The following LIN9 variants were observed in gnomAD, a reference collection of about 807,000 sequenced individuals.
The protein encoded by LIN9 is protein lin-9 homolog.
Under a neutral mutation model 78.0 loss-of-function variants are expected in LIN9, and 18 were observed. The ratio of observed to expected loss-of-function variants is 0.23; its 90% CI spans 0.16 to 0.34. The LOEUF (loss-of-function observed/expected upper bound fraction) is 0.34, where lower values mean the gene tolerates loss of function less well. Ranked by LOEUF, LIN9 falls within the 10% of genes least tolerant of loss-of-function variation. The probability of loss-of-function intolerance (pLI) is 1.00; values close to 1 mark genes in which losing one functional copy is unlikely to be tolerated. For synonymous variants in LIN9, 192 were observed against 215.2 expected, an observed-to-expected ratio of 0.89 and a Z score of 0.94; for missense variants, 451 against 644.1, an observed-to-expected ratio of 0.70 and a Z score of 3.25.
chr1:226,297,124 G>A (rs1332024254), intron 3 of LIN9, among the ~76,000 whole-genome samples: 1 of 152,138 alleles, frequency 6.6e-6, no homozygotes. Flanking sequence ...TGAAGATGAT[G>A]GAATTGACAC....
intron 6 of LIN9, among the ~76,000 whole-genome samples, chr1:226,284,223 C>T (rs1661259229): frequency 6.6e-6 from 1 of 152,242 alleles, no homozygotes; most frequent in Admixed American, 6.5e-5. Context: ...CTCCCAGAGA[C>T]ATCTGTGACT....
At chr1:226,305,535 C>G (rs1414235545) in intron 1 of LIN9, among the ~76,000 whole-genome samples, 3 of 145,730 alleles carry the variant, frequency 2.1e-5, no homozygotes, top group Non-Finnish European at 3.0e-5. Flanking sequence ...ATAATTTAGT[C>G]AGGGAGGATG....
At chr1:226,308,566 G>GT (rs1663070549) in intron 1 of LIN9, among the ~76,000 whole-genome samples, 1 of 152,204 alleles carries the variant, frequency 6.6e-6, no homozygotes, top group South Asian at 2.1e-4. Flanking sequence ...GGACACACCG[G>GT]TGGGGGGGTG....
intron 11 of LIN9, among the ~76,000 whole-genome samples, chr1:226,243,385 T>A (rs955579746): frequency 9.9e-5 from 15 of 152,176 alleles, no homozygotes; most frequent in African/African-American, 3.1e-4. Context: ...TTACATAGTA[T>A]AAAATTTATT....
At chr1:226,305,306 C>CAAA (rs1204120899) in intron 1 of LIN9, among the ~76,000 whole-genome samples, 1 of 19,078 alleles carries the variant, frequency 5.2e-5, no homozygotes, top group Non-Finnish European at 1.1e-4. Context: ...CTCGTCTCTA[C>CAAA]AAAAAAAAGA....
intron 2 of LIN9, among the ~76,000 whole-genome samples, chr1:226,298,252 AGGCTGGAG>A (rs1336206470): frequency 6.6e-6 from 1 of 152,232 alleles, no homozygotes; most frequent in African/African-American, 2.4e-5. Context: ...TCCATCGCCC[AGGCTGGAG>A]TGCAGTGGCA....
intron 7 of LIN9, among the ~76,000 whole-genome samples, chr1:226,275,694 A>AAAG (rs1491289171): frequency 8.6e-6 from 1 of 116,326 alleles, no homozygotes; most frequent in Non-Finnish European, 2.0e-5. Flanking sequence ...TCCGTCTCAG[A>AAAG]AAAAAAAAAA....
intron 4 of LIN9, among the ~76,000 whole-genome samples, chr1:226,293,020 A>G (rs1220442310): frequency 2.6e-5 from 4 of 152,220 alleles, no homozygotes; most frequent in African/African-American, 9.6e-5. Context: ...ACACATAAGT[A>G]ATCAGTAAAA....
intron 10 of LIN9, among the ~76,000 whole-genome samples, chr1:226,262,018 G>C (rs1659623270): frequency 6.6e-6 from 1 of 152,078 alleles, no homozygotes; most frequent in Admixed American, 6.6e-5. Flanking sequence ...GCAACAAATG[G>C]GCAACAGTGG....
intron 11 of LIN9, 144 bp from the exon 12 acceptor site, chr1:226,239,240 G>T: frequency 1.3e-6 from 1 of 760,784 alleles, no homozygotes; most frequent in Non-Finnish European, 2.1e-6. Context: ...AGTCTTGTCT[G>T]TGATAATGGC....
upstream of LIN9, chr1:226,309,542 G>A: frequency 8.5e-7 from 1 of 1,182,534 alleles, no homozygotes; most frequent in Non-Finnish European, 1.1e-6. Flanking sequence ...TGGAGAACGG[G>A]AGGGAGGCCC....
chr1:226,273,608 TTTCTTCTTC>T (rs943982437), intron 7 of LIN9, among the ~76,000 whole-genome samples: 1 of 152,110 alleles, frequency 6.6e-6, no homozygotes, highest in Non-Finnish European at 1.5e-5. Context: ...TTGCATTTGT[TTTCTTCTTC>T]TTCTTTTTTT....
intron 11 of LIN9, among the ~76,000 whole-genome samples, chr1:226,242,162 T>A (rs1658156700): frequency 6.6e-6 from 1 of 152,238 alleles, no homozygotes; most frequent in African/African-American, 2.4e-5. Context: ...GAGGGACTTG[T>A]ACTGGTAGTT....
At chr1:226,243,403 G>C (rs1658240919) in intron 11 of LIN9, among the ~76,000 whole-genome samples, 1 of 152,110 alleles carries the variant, frequency 6.6e-6, no homozygotes, top group Non-Finnish European at 1.5e-5. Flanking sequence ...ATTTAAAAAT[G>C]TCTGCCCTTG....
At chr1:226,288,738 G>C (rs1310823292) in intron 4 of LIN9, among the ~76,000 whole-genome samples, 3 of 38,934 alleles carry the variant, frequency 7.7e-5, no homozygotes, top group Non-Finnish European at 1.7e-4. Context: ...AGACTGATAT[G>C]GAAAAAAATT....
At chr1:226,273,236 CT>C (rs977485484) in intron 7 of LIN9, among the ~76,000 whole-genome samples, 20 of 102,940 alleles carry the variant, frequency 1.9e-4, no homozygotes, top group Non-Finnish European at 1.9e-4. Flanking sequence ...TTCCTGCCAT[CT>C]TTTTTTTTTA....
intron 4 of LIN9, among the ~76,000 whole-genome samples, chr1:226,289,334 TTGTGTGTGTG>T (rs549091384): frequency 6.7e-6 from 1 of 150,100 alleles, no homozygotes; most frequent in Admixed American, 6.7e-5. Flanking sequence ...TAAACCAATT[TTGTGTGTGTG>T]TGTGTGTGTG....
chr1:226,232,662 T>A (rs1657413547), intron 14 of LIN9, 56 bp from the exon 15 acceptor site: 1 of 1,139,952 alleles, frequency 8.8e-7, no homozygotes, highest in Non-Finnish European at 1.3e-6. Flanking sequence ...AAGAAAAAAA[T>A]TTTTAAAAGA....
chr1:226,279,147 C>T (rs1394108998), intron 6 of LIN9, among the ~76,000 whole-genome samples: 4 of 150,848 alleles, frequency 2.7e-5, no homozygotes, highest in African/African-American at 4.9e-5. Context: ...GGCAACAGAG[C>T]GAGACTCCGT....
Sources: gnomAD v4.1 joint callset for allele counts (sites outside exome capture counted in the v4.1 genomes callset) on GRCh38, gnomAD v4.1.1 for gene constraint, MANE v1.5 for transcripts, NCBI Gene and HGNC (gene_info 2026-07-23, HGNC 2026-07-21) for gene names.